Variants in U2SURP observed in about 807,000 individuals in gnomAD.
U2SURP encodes the protein U2 snRNP-associated SURP motif-containing protein.
In U2SURP, 9 loss-of-function variants were observed where a neutral mutation model predicts 144.9. The observed-to-expected ratio is 0.06, with a 90% CI of 0.04 to 0.11. The LOEUF (loss-of-function observed/expected upper bound fraction) is 0.11. Among genes scored for constraint, U2SURP ranks in the 10% least tolerant of loss-of-function variants. The probability of loss-of-function intolerance (pLI) is 1.00; values close to 1 mark genes in which losing one functional copy is unlikely to be tolerated. For synonymous variants in U2SURP, 408 were observed against 396.8 expected, an observed-to-expected ratio of 1.03 and a Z score of -0.33; for missense variants, 724 against 1,226.7, an observed-to-expected ratio of 0.59 and a Z score of 6.12.
chr3:143,035,834 G>T, intron 19 of U2SURP, 148 bp from the exon 20 acceptor site: 5 of 689,250 alleles, frequency 7.3e-6, no homozygotes, highest in South Asian at 4.1e-5. Flanking sequence ...AAAAAATATG[G>T]TAATGATATA....
intron 23 of U2SURP, among the ~76,000 whole-genome samples, chr3:143,042,834 G>T (rs1270049971): frequency 6.6e-6 from 1 of 152,140 alleles, no homozygotes; most frequent in Admixed American, 6.5e-5. Context: ...AGGAAAGTTT[G>T]TTGCAAATGG....
chr3:143,045,513 TTC>T (rs1209992459), intron 24 of U2SURP, among the ~76,000 whole-genome samples: 1 of 152,248 alleles, frequency 6.6e-6, no homozygotes, highest in African/African-American at 2.4e-5. Context: ...GTTTAGTATG[TTC>T]TGTTTCCTTA....
intron 22 of U2SURP, among the ~76,000 whole-genome samples, chr3:143,038,626 T>A (rs1223086913): frequency 2.0e-5 from 3 of 152,052 alleles, no homozygotes; most frequent in Admixed American, 2.0e-4. Flanking sequence ...TAATTGTTGC[T>A]ATTTGTAGGT....
chr3:143,040,760 A>T (rs968773412), intron 23 of U2SURP, among the ~76,000 whole-genome samples: 4 of 151,874 alleles, frequency 2.6e-5, no homozygotes, highest in Non-Finnish European at 4.4e-5. Flanking sequence ...AAAAATTATA[A>T]TAGCAATTTA....
chr3:143,020,884 A>G (rs528174160), intron 8 of U2SURP, among the ~76,000 whole-genome samples, 191 bp downstream of exon 8: 6 of 151,956 alleles, frequency 3.9e-5, no homozygotes, highest in Non-Finnish European at 7.4e-5. Flanking sequence ...GAGATTAACA[A>G]CAATAAGTAA....
intron 7 of U2SURP, 94 bp downstream of exon 7, chr3:143,020,130 T>A: frequency 1.9e-5 from 13 of 687,596 alleles, no homozygotes; most frequent in Non-Finnish European, 2.9e-5. Flanking sequence ...ACCAGTTAGT[T>A]ATTACTAACC....
chr3:143,043,176 A>G lies in U2SURP; in HGVS notation c.2444A>G (p.His815Arg), dbSNP rs1272408606. The G allele has an allele frequency of 1.2e-6, 2 of 1,604,412 alleles. No individual in the cohort carries two copies. The highest frequency in any genetic ancestry group is 1.7e-5 in the Admixed American group (1 of 58,798). Residue 815 changes from histidine (H) to arginine (R), a missense_variant, in exon 24 of 28, where the codon CAT becomes CGT. Around this residue, in one of 13 missense-constraint regions of U2SURP, gnomAD observed 50 missense variants for 48.0 expected, o/e 1.04. Transcript: ENST00000473835. ...CAAAGTTCCAAATCTGAAGAACATC[A>G]TTTGTACTCTAATCCAATCAAAGAA... Reference protein sequence around the residue: ...DTQSSKSEEHHLYSNPIKEEM... With the variant: ...DTQSSKSEEHRLYSNPIKEEM...
At chr3:143,020,790 G>A in intron 8 of U2SURP, 97 bp downstream of exon 8, 2 of 892,612 alleles carry the variant, frequency 2.2e-6, no homozygotes, top group African/African-American at 1.7e-5. Context: ...ACCAGTGGAT[G>A]TCTGAAACCA....
At chr3:143,039,739 A>C (rs1313884237) in intron 23 of U2SURP, among the ~76,000 whole-genome samples, 7 of 151,764 alleles carry the variant, frequency 4.6e-5, no homozygotes, top group African/African-American at 1.7e-4. Context: ...TGTGTGTCCT[A>C]GCACAATATG....
intron 13 of U2SURP, among the ~76,000 whole-genome samples, chr3:143,025,296 T>C (rs1337646956): frequency 6.6e-6 from 1 of 152,220 alleles, no homozygotes; most frequent in Admixed American, 6.5e-5. Flanking sequence ...TTTACATGTA[T>C]GTGGCTCAGC....
rs527989470 is a variant in U2SURP at position 143,022,743 on chromosome 3, T to C, written c.1018+81T>C. On this transcript the variant is annotated intron_variant, in intron 11 of 27. Coordinates refer to ENST00000473835, the MANE Select transcript of U2SURP (RefSeq NM_001080415.2). ...AAGTATTTATAAAAACTAGGAAGGA[T>C]TGGACCTGAAATGGAGAGGTTAAAA... is the stretch of plus-strand genomic sequence containing the variant. The C allele has an allele frequency of 4.7e-6, 7 of 1,485,602 alleles. No individual in the cohort carries two copies. In the South Asian group the frequency reaches 8.2e-5, roughly 17 times the overall value. 92.0% of individuals were successfully genotyped at this position (1,485,602 alleles called of 1,614,324 possible).
chr3:143,033,266 T>C lies in U2SURP; in HGVS notation c.1774-5T>C, dbSNP rs375119046. The C allele has an allele frequency of 5.3e-6, 8 of 1,517,088 alleles. No homozygotes were observed. The African/African-American group carries it at 1.1e-4, about 21-fold the overall frequency. 94.0% of individuals were successfully genotyped at this position (1,517,088 alleles called of 1,614,324 possible). A position where few individuals can be genotyped will look rare whatever the true frequency, so the allele number is the denominator to read the frequency against. ...CCTATTTTGTGTTATCTTTTGATAT[T>C]ATAGATTGCCAGATTATATTTGGTT... On this transcript the variant is annotated splice_polypyrimidine_tract_variant and splice_region_variant and intron_variant, in intron 17 of 27. Transcript: ENST00000473835.
intron 25 of U2SURP, among the ~76,000 whole-genome samples, chr3:143,052,808 G>A (rs1178959876): frequency 1.3e-5 from 2 of 152,216 alleles, no homozygotes; most frequent in Non-Finnish European, 2.9e-5. Context: ...ATGAATCGTA[G>A]AGAAATTAAA....
chr3:143,047,664 G>A lies in U2SURP; in HGVS notation c.2545-3275G>A, dbSNP rs374192699. Among the ~76,000 whole-genome samples the A allele has an allele frequency of 1.6e-4, 8 of 50,700 alleles. No individual in the cohort carries two copies. The East Asian group carries it at 4.7e-3, about 30-fold the overall frequency. The allele number at this position is 50,700 out of a possible 152,430, so 33.3% of individuals were successfully genotyped here. A position where few individuals can be genotyped will look rare whatever the true frequency, so the allele number is the denominator to read the frequency against. The stretch of plus-strand genomic sequence containing the variant: ...CGCCTCCCGGACGGGGCGGCTGGCC[G>A]GGCAGAGGGGCTCCTCACTTCCCAG... On this transcript the variant is annotated intron_variant, in intron 24 of 27. Coordinates refer to ENST00000473835, the MANE Select transcript of U2SURP (RefSeq NM_001080415.2).
At chr3:143,038,240 T>A in intron 22 of U2SURP, 37 bp downstream of exon 22, 1 of 1,428,972 alleles carries the variant, frequency 7.0e-7, no homozygotes, top group Non-Finnish European at 9.5e-7. Flanking sequence ...TTAAATTAAG[T>A]ACTTGTACGT....
At chr3:143,038,689 G>A (rs1040543721) in intron 22 of U2SURP, among the ~76,000 whole-genome samples, 24 of 151,824 alleles carry the variant, frequency 1.6e-4, no homozygotes, top group Non-Finnish European at 3.4e-4. Flanking sequence ...GACATTATTC[G>A]TCACTTCATG....
At chr3:143,040,175 G>A (rs1194860649) in intron 23 of U2SURP, among the ~76,000 whole-genome samples, 1 of 151,764 alleles carries the variant, frequency 6.6e-6, no homozygotes, top group African/African-American at 2.4e-5. Context: ...ACTGAAAAAA[G>A]TATTGTTCTA....
chr3:143,044,943 T>G (rs943043951), intron 24 of U2SURP, among the ~76,000 whole-genome samples: 15 of 152,222 alleles, frequency 9.9e-5, no homozygotes, highest in African/African-American at 3.6e-4. Flanking sequence ...ATTAGTTGAT[T>G]TATTTTTTCC....
At position 143,002,057 on chromosome 3, in the gene U2SURP, T is replaced by C. The variant is rs572463065; in HGVS notation, c.45+384T>C. Among the ~76,000 whole-genome samples, 306 of 152,308 alleles carry C rather than the reference T, an allele frequency of 2.0e-3. 1 individual carries two copies. Among genetic ancestry groups the C allele is most frequent in the Middle Eastern group, 6.8e-3 (2 of 294 alleles). On this transcript the variant is annotated intron_variant, in intron 1 of 27. Coordinates refer to ENST00000473835, the MANE Select transcript of U2SURP (RefSeq NM_001080415.2). The stretch of plus-strand genomic sequence containing the variant: ...CGGGAATCGCTTCCCGGTGCTTAAA[T>C]GTCTGCTGCTTTTTTCTCGGTTTTG...
Sources: allele counts gnomAD v4.1 joint callset (sites outside exome capture counted in the v4.1 genomes callset), GRCh38; gene constraint gnomAD v4.1.1; regional missense constraint gnomAD v4.1.1; transcripts MANE v1.5; gene names NCBI Gene and HGNC (gene_info 2026-07-23, HGNC 2026-07-21).